LINC00305: variants seen among roughly 807,000 people sequenced by gnomAD.
LINC00305 encodes long intergenic non-protein coding RNA 305.
At chr18:64,146,381 G>A (rs2051498435) in intron 1 of LINC00305, among the ~76,000 whole-genome samples, 1 of 152,192 alleles carries the variant, frequency 6.6e-6, no homozygotes, top group East Asian at 1.9e-4. Context: ...CTTTGTATGT[G>A]TGTGTGTAAA....
chr18:64,080,772 C>T (rs1315248319), intron 3 of LINC00305, among the ~76,000 whole-genome samples: 2 of 152,048 alleles, frequency 1.3e-5, no homozygotes, highest in Admixed American at 6.6e-5. Flanking sequence ...TATATAATTG[C>T]ATATTTACAC....
intron 1 of LINC00305, among the ~76,000 whole-genome samples, chr18:64,128,593 T>A (rs1599225273): frequency 6.6e-6 from 1 of 152,204 alleles, no homozygotes. Context: ...CTGGGAGAAA[T>A]TCTCTGAATT....
At chr18:64,110,783 C>T (rs982065293) in intron 1 of LINC00305, among the ~76,000 whole-genome samples, 16 of 152,164 alleles carry the variant, frequency 1.1e-4, no homozygotes, top group African/African-American at 3.9e-4. Flanking sequence ...TTTGCTTTGG[C>T]CTGACAGAAA....
At chr18:64,096,314 AGTTTTT>A (rs1308423493) in intron 3 of LINC00305, among the ~76,000 whole-genome samples, 2 of 152,008 alleles carry the variant, frequency 1.3e-5, no homozygotes, top group African/African-American at 4.8e-5. Flanking sequence ...AAATCTTAGA[AGTTTTT>A]AAAAACTTGG....
intron 1 of LINC00305, among the ~76,000 whole-genome samples, chr18:64,148,524 C>T (rs905885649): frequency 6.6e-6 from 1 of 151,854 alleles, no homozygotes; most frequent in Admixed American, 6.6e-5. Context: ...CAAAGTGGAA[C>T]AAGGTTCCCT....
chr18:64,144,607 C>G (rs2051487987), intron 1 of LINC00305, among the ~76,000 whole-genome samples: 1 of 152,088 alleles, frequency 6.6e-6, no homozygotes, highest in Non-Finnish European at 1.5e-5. Context: ...CTCCAAGGTT[C>G]AAGTGATTCT....
chr18:64,142,527 T>G (rs2051468775), intron 1 of LINC00305, among the ~76,000 whole-genome samples: 1 of 152,168 alleles, frequency 6.6e-6, no homozygotes, highest in Non-Finnish European at 1.5e-5. Context: ...TGGTGCTTGA[T>G]GAGTCTCTGG....
chr18:64,090,730 G>C (rs2051221877), intron 3 of LINC00305, among the ~76,000 whole-genome samples: 1 of 152,110 alleles, frequency 6.6e-6, no homozygotes, highest in South Asian at 2.1e-4. Context: ...GCTTTTCGAT[G>C]TTATAAGTAA....
At chr18:64,128,488 T>C (rs1447931708) in intron 1 of LINC00305, among the ~76,000 whole-genome samples, 1 of 152,062 alleles carries the variant, frequency 6.6e-6, no homozygotes, top group Non-Finnish European at 1.5e-5. Context: ...TTGGTGGGTG[T>C]GTTCAACATG....
At chr18:64,142,144 C>G (rs2144279784) in intron 1 of LINC00305, among the ~76,000 whole-genome samples, 1 of 152,254 alleles carries the variant, frequency 6.6e-6, no homozygotes. Flanking sequence ...CAACATTTTC[C>G]CCAACAATGT....
intron 1 of LINC00305, among the ~76,000 whole-genome samples, chr18:64,138,942 C>T (rs573414893): frequency 4.6e-5 from 7 of 152,220 alleles, no homozygotes; most frequent in East Asian, 3.9e-4. Context: ...GGGGCACAGC[C>T]GATAACCAGT....
intron 3 of LINC00305, among the ~76,000 whole-genome samples, chr18:64,082,226 C>T (rs1013492254): frequency 3.3e-5 from 5 of 151,842 alleles, no homozygotes; most frequent in Admixed American, 1.3e-4. Flanking sequence ...TCAGATCCTG[C>T]CATTCTGAAG....
intron 3 of LINC00305, among the ~76,000 whole-genome samples, chr18:64,082,421 G>C (rs763623098): frequency 3.3e-5 from 5 of 152,124 alleles, no homozygotes; most frequent in Non-Finnish European, 7.4e-5. Context: ...CACATTTTTG[G>C]GGGGAGACTG....
chr18:64,145,245 A>G (rs2051491509), intron 1 of LINC00305, among the ~76,000 whole-genome samples: 1 of 152,206 alleles, frequency 6.6e-6, no homozygotes, highest in Non-Finnish European at 1.5e-5. Flanking sequence ...TTATCTCTAT[A>G]TACTGTACTT....
At chr18:64,132,256 T>G (rs1393776172) in intron 1 of LINC00305, among the ~76,000 whole-genome samples, 1 of 152,236 alleles carries the variant, frequency 6.6e-6, no homozygotes, top group Non-Finnish European at 1.5e-5. Context: ...ACAGGCAGAA[T>G]TATTCTAGGG....
At chr18:64,140,353 C>T (rs1221320406) in intron 1 of LINC00305, among the ~76,000 whole-genome samples, 1 of 152,098 alleles carries the variant, frequency 6.6e-6, no homozygotes, top group African/African-American at 2.4e-5. Context: ...GGATTACAGG[C>T]ACCTGCCACC....
intron 1 of LINC00305, among the ~76,000 whole-genome samples, chr18:64,111,998 A>G (rs551447045): frequency 6.6e-6 from 1 of 152,164 alleles, no homozygotes; most frequent in Non-Finnish European, 1.5e-5. Context: ...AATTTATTCT[A>G]TATTTCCCCT....
intron 1 of LINC00305, among the ~76,000 whole-genome samples, chr18:64,121,872 A>G (rs1010623729): frequency 2.0e-5 from 3 of 152,078 alleles, no homozygotes; most frequent in Admixed American, 1.3e-4. Context: ...TATCTTTTCA[A>G]TAATAGCCAT....
At chr18:64,129,520 G>A (rs1043064392) in intron 1 of LINC00305, among the ~76,000 whole-genome samples, 1 of 152,008 alleles carries the variant, frequency 6.6e-6, no homozygotes, top group Non-Finnish European at 1.5e-5. Context: ...TACTTTTGCT[G>A]TTATTCCTCT....
Sources: gnomAD v4.1 joint callset for allele counts (sites outside exome capture counted in the v4.1 genomes callset) on GRCh38, gnomAD v4.1.1 for gene constraint, MANE v1.5 for transcripts, NCBI Gene and HGNC (gene_info 2026-07-23, HGNC 2026-07-21) for gene names.